Variants in CA10 observed in about 807,000 individuals in gnomAD.
CA10 encodes carbonic anhydrase-related protein 10.
Under a neutral mutation model 44.2 loss-of-function variants are expected in CA10, and 14 were observed. That is an observed-to-expected ratio of 0.32 (90% CI 0.21 to 0.50). The LOEUF is 0.50. Ranked by LOEUF, CA10 falls within the 20% of genes least tolerant of loss-of-function variation. The pLI, the probability that CA10 is intolerant of heterozygous loss-of-function variation, is 0.99. For missense variants in CA10, 350 were observed against 409.7 expected (o/e 0.85, Z 1.26); for synonymous variants, 159 against 141.6 (o/e 1.12, Z -0.87).
At chr17:52,145,366 T>G (rs1989561753) in intron 1 of CA10, among the ~76,000 whole-genome samples, 1 of 152,188 alleles carries the variant, frequency 6.6e-6, no homozygotes, top group South Asian at 2.1e-4. Context: ...ATCTAGAAAC[T>G]ACTTAGTCCA....
At position 51,727,418 on chromosome 17, in the gene CA10, A is replaced by G. The variant is rs185425430; in HGVS notation, c.465+20215T>C. Among the ~76,000 whole-genome samples the G allele has an allele frequency of 9.8e-4, 149 of 152,136 alleles. 1 individual carries two copies. The highest frequency in any genetic ancestry group is 3.8e-3 in the Admixed American group (58 of 15,280). On this transcript the variant is annotated intron_variant, in intron 4 of 8. Coordinates refer to ENST00000451037, the MANE Select transcript of CA10 (RefSeq NM_020178.5). ...AAGACGATTTTTTTTTTTACTTTAA[A>G]ATGAAGTTTCTTTTGTCTCAGAGCC...
At chr17:52,136,832 C>G (rs1465557054) in intron 1 of CA10, among the ~76,000 whole-genome samples, 1 of 152,092 alleles carries the variant, frequency 6.6e-6, no homozygotes, top group Non-Finnish European at 1.5e-5. Context: ...CCTTGTGAGA[C>G]ACGATTTTGA....
chr17:51,701,506 G>C (rs1000825103), intron 4 of CA10, among the ~76,000 whole-genome samples: 1 of 151,920 alleles, frequency 6.6e-6, no homozygotes, highest in Non-Finnish European at 1.5e-5. Context: ...TATGTTTCTT[G>C]TTTGTTTACC....
At chr17:51,894,473 C>A (rs1980987345) in intron 3 of CA10, among the ~76,000 whole-genome samples, 2 of 152,120 alleles carry the variant, frequency 1.3e-5, no homozygotes, top group Non-Finnish European at 2.9e-5. Flanking sequence ...AAAGAAAAGA[C>A]TTCCCAGTGC....
intron 1 of CA10, among the ~76,000 whole-genome samples, chr17:52,074,918 T>C (rs1987779016): frequency 6.6e-6 from 1 of 152,122 alleles, no homozygotes; most frequent in East Asian, 1.9e-4. Context: ...CATGTTAAAA[T>C]TATATTACAT....
intron 4 of CA10, among the ~76,000 whole-genome samples, chr17:51,688,627 A>G (rs530051892): frequency 5.0e-4 from 76 of 152,254 alleles, no homozygotes; most frequent in African/African-American, 1.6e-3. Context: ...ATTATTATGG[A>G]CTATTTCATG....
chr17:52,081,175 G>A (rs1286137009), intron 1 of CA10, among the ~76,000 whole-genome samples: 1 of 152,082 alleles, frequency 6.6e-6, no homozygotes, highest in African/African-American at 2.4e-5. Context: ...TGATATAGAG[G>A]GTGAGGTAGT....
At chr17:52,094,416 G>A (rs1002731725) in intron 1 of CA10, among the ~76,000 whole-genome samples, 2 of 151,754 alleles carry the variant, frequency 1.3e-5, no homozygotes, top group African/African-American at 4.8e-5. Flanking sequence ...ACTGGAGTAA[G>A]CAAAGGCTTC....
chr17:51,947,302 C>G (rs976203486), intron 2 of CA10, among the ~76,000 whole-genome samples: 1 of 150,414 alleles, frequency 6.6e-6, no homozygotes, highest in African/African-American at 2.4e-5. Flanking sequence ...TGTAAAAGAC[C>G]GGTAGGAGCA....
chr17:51,660,123 T>C (rs1045946711), intron 4 of CA10, among the ~76,000 whole-genome samples: 1 of 152,154 alleles, frequency 6.6e-6, no homozygotes, highest in Non-Finnish European at 1.5e-5. Flanking sequence ...ATACAGTCAT[T>C]CATAGATCCA....
chr17:51,799,844 TAA>T (rs1251049881), intron 3 of CA10, among the ~76,000 whole-genome samples: 2 of 152,066 alleles, frequency 1.3e-5, no homozygotes, highest in Non-Finnish European at 2.9e-5. Flanking sequence ...GTGGTTGAAA[TAA>T]AAAAGTCAGA....
chr17:52,105,416 G>A (rs1402453411), intron 1 of CA10, among the ~76,000 whole-genome samples: 1 of 152,098 alleles, frequency 6.6e-6, no homozygotes, highest in African/African-American at 2.4e-5. Context: ...CACCACACCC[G>A]GCTAATTTTT....
intron 3 of CA10, among the ~76,000 whole-genome samples, chr17:51,855,073 C>A (rs538094253): frequency 9.2e-5 from 14 of 152,204 alleles, no homozygotes; most frequent in Admixed American, 8.5e-4. Flanking sequence ...GGAAAGAGCA[C>A]CAGTTTTGGA....
Position 51,907,821 on chromosome 17 carries a change from G to A in CA10, c.279+23169C>T, listed in dbSNP as rs138510745. ...CATTCCTTCTTTCTTCCTTTTCCCC[G>A]CAGGACTTAAGCCCAAGAGCCCTTT... On this transcript the variant is annotated intron_variant, in intron 3 of 8. Coordinates refer to ENST00000451037, the MANE Select transcript of CA10 (RefSeq NM_020178.5). Among the ~76,000 whole-genome samples the A allele has an allele frequency of 1.1e-4, 17 of 152,158 alleles. No individual in the cohort carries two copies. In the East Asian group the frequency reaches 2.1e-3, roughly 19 times the overall value.
intron 4 of CA10, among the ~76,000 whole-genome samples, chr17:51,699,083 G>A (rs1915497804): frequency 6.6e-6 from 1 of 152,174 alleles, no homozygotes; most frequent in Non-Finnish European, 1.5e-5. Flanking sequence ...CACTTTGGGA[G>A]GCCAAGGTGG....
chr17:51,757,070 G>C lies in CA10; in HGVS notation c.280-9252C>G, dbSNP rs73987190. 4.7e-3 allele frequency among the ~76,000 whole-genome samples: 713 copies of C among 152,258 alleles called. 7 individuals carry two copies. Among genetic ancestry groups the C allele is most frequent in the African/African-American group, 0.016 (662 of 41,542 alleles). Reference sequence around the variant, plus strand: ...TAGGTGACCTTTCTTTGCAACCGAAGTTTCCTGTTATATGTCTCTGGCCAC... The same window carrying C: ...TAGGTGACCTTTCTTTGCAACCGAACTTTCCTGTTATATGTCTCTGGCCAC... On this transcript the variant is annotated intron_variant, in intron 3 of 8. Transcript: ENST00000451037.
intron 4 of CA10, among the ~76,000 whole-genome samples, chr17:51,730,781 T>C (rs1466158466): frequency 6.6e-6 from 1 of 152,196 alleles, no homozygotes; most frequent in Non-Finnish European, 1.5e-5. Context: ...CCTGTTGACA[T>C]TTTTCAAAAC....
intron 6 of CA10, among the ~76,000 whole-genome samples, chr17:51,639,574 C>G (rs1912998473): frequency 6.6e-6 from 1 of 152,170 alleles, no homozygotes; most frequent in African/African-American, 2.4e-5. Context: ...CAGGAGATCC[C>G]TCTTTGTCCA....
intron 2 of CA10, among the ~76,000 whole-genome samples, chr17:52,052,284 A>G (rs1177051286): frequency 9.3e-6 from 1 of 107,330 alleles, no homozygotes; most frequent in Non-Finnish European, 1.8e-5. Flanking sequence ...CCTGAACTTA[A>G]AAGGCTTTTT....
Sources: allele counts gnomAD v4.1 joint callset (sites outside exome capture counted in the v4.1 genomes callset), GRCh38; gene constraint gnomAD v4.1.1; transcripts MANE v1.5; gene names NCBI Gene and HGNC (gene_info 2026-07-23, HGNC 2026-07-21).